The following TRPM3 variants were observed in gnomAD, a reference collection of about 807,000 sequenced individuals.
TRPM3 encodes long transient receptor potential channel 3.
TRPM3 carries 77 observed loss-of-function variants against 181.2 expected under a neutral mutation model. The ratio of observed to expected loss-of-function variants is 0.42; its 90% CI spans 0.35 to 0.51. TRPM3 has a LOEUF of 0.51. TRPM3 is among the 20% of genes least tolerant of loss of function. The pLI is 0.01. For missense variants in TRPM3, 1,759 were observed against 2,196.7 expected, an observed-to-expected ratio of 0.80 and a Z score of 3.98; for synonymous variants, 745 against 796.4, an observed-to-expected ratio of 0.94 and a Z score of 1.09.
chr9:70,855,019 A>G (rs770603827), intron 3 of TRPM3, among the ~76,000 whole-genome samples: 28 of 152,252 alleles, frequency 1.8e-4, no homozygotes, highest in Non-Finnish European at 2.6e-4. Flanking sequence ...AGAGGGCATC[A>G]GTAACTAAAA....
intron 1 of TRPM3, among the ~76,000 whole-genome samples, chr9:70,903,393 T>C (rs1174995616): frequency 2.0e-5 from 3 of 152,230 alleles, no homozygotes; most frequent in African/African-American, 7.2e-5. Flanking sequence ...AATGCCACGT[T>C]GGCGCCCCTA....
chr9:70,626,462 G>C (rs1313990722), intron 12 of TRPM3, among the ~76,000 whole-genome samples: 1 of 152,182 alleles, frequency 6.6e-6, no homozygotes, highest in Non-Finnish European at 1.5e-5. Context: ...CCAGGATGCT[G>C]TGTGAGATTT....
chr9:70,619,882 T>G (rs1033968415), intron 16 of TRPM3, among the ~76,000 whole-genome samples, 194 bp downstream of exon 16: 20 of 152,182 alleles, frequency 1.3e-4, no homozygotes, highest in Admixed American at 3.9e-4. Context: ...GATGAAATGT[T>G]CCATGTTTCT....
At chr9:71,347,385 A>T (rs1322798457) in intron 1 of TRPM3, among the ~76,000 whole-genome samples, 1 of 152,212 alleles carries the variant, frequency 6.6e-6, no homozygotes, top group African/African-American at 2.4e-5. Flanking sequence ...CTGACAAAGC[A>T]TAGAAAAGCT....
chr9:71,105,070 C>A (rs1024126958), intron 1 of TRPM3, among the ~76,000 whole-genome samples: 2 of 152,024 alleles, frequency 1.3e-5, no homozygotes, highest in Non-Finnish European at 2.9e-5. Context: ...GGGAAATAAC[C>A]CAAATGTCTA....
intron 1 of TRPM3, among the ~76,000 whole-genome samples, chr9:71,335,356 A>G (rs529778038): frequency 1.3e-5 from 2 of 152,292 alleles, no homozygotes; most frequent in East Asian, 3.9e-4. Flanking sequence ...AAGACTATTT[A>G]TACAAAACCA....
chr9:70,851,091 A>G (rs1387117456), intron 3 of TRPM3, among the ~76,000 whole-genome samples: 2 of 152,032 alleles, frequency 1.3e-5, no homozygotes, highest in Non-Finnish European at 1.5e-5. Context: ...ATCTGCACCT[A>G]TACATTTCAT....
chr9:70,788,006 CTT>C (rs557213258), intron 6 of TRPM3, among the ~76,000 whole-genome samples: 3,147 of 129,290 alleles, frequency 0.024, 98 homozygotes, highest in African/African-American at 0.075. Context: ...ACTATCCTGA[CTT>C]TTTTTTTTTT....
At chr9:70,654,716 T>G (rs1225099566) in intron 9 of TRPM3, among the ~76,000 whole-genome samples, 1 of 148,450 alleles carries the variant, frequency 6.7e-6, no homozygotes, top group Non-Finnish European at 1.5e-5. Flanking sequence ...GGAGTCTCGC[T>G]CTGTCACCCA....
Position 70,846,552 on chromosome 9 carries a change from AGAG to A in TRPM3, c.499_501del (p.Leu168del). 1 of 1,614,166 alleles carries A rather than the reference AGAG, an allele frequency of 6.2e-7. No homozygotes were observed. The highest frequency in any genetic ancestry group is 8.5e-7 in the Non-Finnish European group (1 of 1,180,010). On this transcript the variant is annotated inframe_deletion, in exon 4 of 26. Transcript: ENST00000677713. Reference sequence around the variant, plus strand: ...TGCCATTCCTTGGTCATCAGGTGTAAGAGGAGATCAGGTTTTGTATCAAAAGAT... The same window carrying A: ...TGCCATTCCTTGGTCATCAGGTGTAAGAGATCAGGTTTTGTATCAAAAGAT...
intron 9 of TRPM3, among the ~76,000 whole-genome samples, chr9:70,670,393 T>C (rs1563925423): frequency 6.6e-6 from 1 of 152,244 alleles, no homozygotes; most frequent in Non-Finnish European, 1.5e-5. Context: ...GTTCTTTTAT[T>C]GAATTCTCCT....
intron 1 of TRPM3, among the ~76,000 whole-genome samples, chr9:70,969,779 T>TATATATATATATATATATAC (rs900528837): frequency 8.4e-4 from 118 of 139,802 alleles, no homozygotes; most frequent in African/African-American, 2.9e-3. Context: ...TATATATATA[T>TATATATATATATATATATAC]ACACACACAC....
chr9:70,938,696 T>C (rs2096853834), intron 1 of TRPM3, among the ~76,000 whole-genome samples: 7 of 152,172 alleles, frequency 4.6e-5, no homozygotes, highest in Admixed American at 4.6e-4. Context: ...CTCACACCTG[T>C]AATCCCAGCA....
chr9:70,669,747 CTTTTT>C (rs71367212), intron 9 of TRPM3, among the ~76,000 whole-genome samples: 7 of 138,454 alleles, frequency 5.1e-5, no homozygotes, highest in East Asian at 4.2e-4. Context: ...TCTTTCTTTT[CTTTTT>C]TTTTTTTTTG....
chr9:71,435,933 C>T (rs1170672925), intron 1 of TRPM3, among the ~76,000 whole-genome samples: 1 of 152,162 alleles, frequency 6.6e-6, no homozygotes, highest in Non-Finnish European at 1.5e-5. Context: ...AAAGATGTAA[C>T]TTTACTGCCT....
intron 1 of TRPM3, among the ~76,000 whole-genome samples, chr9:71,440,931 TG>T (rs1185449647): frequency 6.6e-6 from 1 of 152,228 alleles, no homozygotes; most frequent in Non-Finnish European, 1.5e-5. Context: ...ATGATTCCAT[TG>T]TTTTTAAAGA....
At chr9:70,922,582 T>A (rs1260798310) in intron 1 of TRPM3, among the ~76,000 whole-genome samples, 1 of 152,198 alleles carries the variant, frequency 6.6e-6, no homozygotes, top group South Asian at 2.1e-4. Flanking sequence ...CTGCCACTAT[T>A]TGAAGATACA....
intron 1 of TRPM3, among the ~76,000 whole-genome samples, chr9:70,989,337 A>G (rs565548653): frequency 1.3e-5 from 2 of 152,338 alleles, no homozygotes; most frequent in East Asian, 3.9e-4. Flanking sequence ...CATATCACCA[A>G]GGACTACATA....
Position 71,248,334 on chromosome 9 carries a change from CTGGGT to C in TRPM3, c.183+198314_183+198318del, listed in dbSNP as rs1451001716. On this transcript the variant is annotated intron_variant, in intron 1 of 24. Coordinates refer to the TRPM3 transcript ENST00000357533. ...CCCGAGGGAGTTGGCTGCAGGGCCT[CTGGGT>C]ATGGTAAGGTGGTTTCTTCTTCCTC... Among the ~76,000 whole-genome samples, 4 of 152,158 alleles carry C rather than the reference CTGGGT, an allele frequency of 2.6e-5. No individual in the cohort carries two copies. In the East Asian group the frequency reaches 7.7e-4, roughly 29 times the overall value.
Sources: gnomAD v4.1 joint callset for allele counts (sites outside exome capture counted in the v4.1 genomes callset) on GRCh38, gnomAD v4.1.1 for gene constraint, MANE v1.5 for transcripts, NCBI Gene and HGNC (gene_info 2026-07-23, HGNC 2026-07-21) for gene names.